Variants in NTNG1 observed in about 807,000 individuals in gnomAD.
The protein encoded by NTNG1 is netrin G1.
Under a neutral mutation model 54.0 loss-of-function variants are expected in NTNG1, and 16 were observed. The ratio of observed to expected loss-of-function variants is 0.30; its 90% CI spans 0.20 to 0.45. NTNG1 has a LOEUF of 0.45. Ranked by LOEUF, NTNG1 falls within the 20% of genes least tolerant of loss-of-function variation. The pLI is 1.00. For missense variants in NTNG1, 530 were observed against 678.7 expected (o/e 0.78, Z 2.43); for synonymous variants, 255 against 263.1 (o/e 0.97, Z 0.30).
chr1:107,431,815 T>C (rs537232832), intron 6 of NTNG1, among the ~76,000 whole-genome samples: 21 of 152,368 alleles, frequency 1.4e-4, no homozygotes, highest in African/African-American at 5.0e-4. Flanking sequence ...TAGGTAGCTA[T>C]ATAGGCACCC....
intron 3 of NTNG1, among the ~76,000 whole-genome samples, chr1:107,326,423 A>G (rs1405111965): frequency 6.6e-6 from 1 of 152,138 alleles, no homozygotes; most frequent in African/African-American, 2.4e-5. Context: ...TAAGTTTGCT[A>G]TTTATAGTAA....
intron 4 of NTNG1, among the ~76,000 whole-genome samples, chr1:107,398,752 A>G (rs1180686675): frequency 6.6e-6 from 1 of 152,170 alleles, no homozygotes; most frequent in East Asian, 1.9e-4. Context: ...TATAGAAAAG[A>G]CATTTTTCTT....
chr1:107,161,699 A>C (rs1030355002), intron 2 of NTNG1, among the ~76,000 whole-genome samples: 2 of 151,198 alleles, frequency 1.3e-5, no homozygotes, highest in African/African-American at 2.4e-5. Context: ...CACCAAAAAA[A>C]CCTCCACGAC....
In NTNG1 at chr1:107,402,909, A is replaced by G. The variant is rs142596083; in HGVS notation, c.1061-4773A>G. Among the ~76,000 whole-genome samples the G allele has an allele frequency of 8.5e-5, 13 of 152,174 alleles. No homozygotes were observed. The East Asian group carries it at 1.6e-3, about 18-fold the overall frequency. On this transcript the variant is annotated intron_variant, in intron 4 of 7. Coordinates refer to ENST00000370068, the MANE Select transcript of NTNG1 (RefSeq NM_001113226.3). ...ACAACAGTGGTAATTTTTCCTCTCAATTTGAAGCATGCCAAATCCTTATCC... is the reference window on the plus strand; with the variant it reads ...ACAACAGTGGTAATTTTTCCTCTCAGTTTGAAGCATGCCAAATCCTTATCC...
At chr1:107,269,060 C>T (rs185856227) in intron 2 of NTNG1, among the ~76,000 whole-genome samples, 10 of 152,340 alleles carry the variant, frequency 6.6e-5, no homozygotes, top group Non-Finnish European at 1.5e-4. Flanking sequence ...TGTCACTCCT[C>T]TGTTAAAACA....
chr1:107,284,686 A>G (rs999518700), intron 2 of NTNG1, among the ~76,000 whole-genome samples: 1 of 152,122 alleles, frequency 6.6e-6, no homozygotes, highest in East Asian at 1.9e-4. Context: ...GCATAAGAAA[A>G]GATTGAGGGA....
chr1:107,455,429 G>A (rs1349072226), intron 7 of NTNG1, among the ~76,000 whole-genome samples: 1 of 152,240 alleles, frequency 6.6e-6, no homozygotes, highest in Non-Finnish European at 1.5e-5. Flanking sequence ...CTAATGTGGT[G>A]CTCAGGATCA....
At chr1:107,437,762 A>G (rs1156386396) in intron 7 of NTNG1, among the ~76,000 whole-genome samples, 1 of 152,214 alleles carries the variant, frequency 6.6e-6, no homozygotes, top group East Asian at 1.9e-4. Context: ...ACTAATATCA[A>G]AATTATTAAG....
chr1:107,413,284 T>A (rs1673960706), intron 5 of NTNG1, among the ~76,000 whole-genome samples: 1 of 152,026 alleles, frequency 6.6e-6, no homozygotes, highest in Non-Finnish European at 1.5e-5. Flanking sequence ...CACCTCAGCC[T>A]CCTGAATAGC....
intron 2 of NTNG1, among the ~76,000 whole-genome samples, chr1:107,211,953 G>A (rs541316991): frequency 2.0e-5 from 3 of 152,206 alleles, no homozygotes; most frequent in South Asian, 4.1e-4. Context: ...GCAGCCCAGC[G>A]GTGAAGTTAT....
At chr1:107,412,608 T>A (rs1418133274) in intron 5 of NTNG1, among the ~76,000 whole-genome samples, 1 of 152,146 alleles carries the variant, frequency 6.6e-6, no homozygotes, top group East Asian at 1.9e-4. Flanking sequence ...ATTGACCCAT[T>A]TCTATGCAGG....
chr1:107,385,515 C>T (rs567824333), intron 3 of NTNG1, among the ~76,000 whole-genome samples: 55 of 152,058 alleles, frequency 3.6e-4, no homozygotes, highest in African/African-American at 1.3e-3. Flanking sequence ...TATGGCCACA[C>T]CTAGCTAGAG....
intron 2 of NTNG1, among the ~76,000 whole-genome samples, chr1:107,297,619 A>G (rs1385357815): frequency 6.6e-6 from 1 of 152,084 alleles, no homozygotes; most frequent in African/African-American, 2.4e-5. Flanking sequence ...TTGAGATTTA[A>G]GATGTCAGGA....
chr1:107,269,753 T>A (rs1272495167), intron 2 of NTNG1, among the ~76,000 whole-genome samples: 1 of 152,250 alleles, frequency 6.6e-6, no homozygotes, highest in African/African-American at 2.4e-5. Flanking sequence ...CTTGGCATGT[T>A]ACATTTTATA....
intron 3 of NTNG1, among the ~76,000 whole-genome samples, chr1:107,356,790 T>A: frequency 6.6e-6 from 1 of 151,882 alleles, no homozygotes. Flanking sequence ...ATCACTTGAG[T>A]TCAGGAGTTT....
chr1:107,357,721 T>A (rs779358896), intron 3 of NTNG1, among the ~76,000 whole-genome samples: 6 of 152,216 alleles, frequency 3.9e-5, no homozygotes, highest in Non-Finnish European at 8.8e-5. Flanking sequence ...TTTTCAGTGA[T>A]ATTTAACAAT....
chr1:107,468,036 TTGGTTTGACATTGTCAGGGGG>T (rs1677718327), intron 7 of NTNG1, among the ~76,000 whole-genome samples: 1 of 152,150 alleles, frequency 6.6e-6, no homozygotes, highest in Non-Finnish European at 1.5e-5. Context: ...CTCCCAAGAC[TTGGTTTGACATTGTCAGGGGG>T]TGGTTATGGT....
intron 7 of NTNG1, among the ~76,000 whole-genome samples, chr1:107,446,946 T>C (rs552836357): frequency 5.1e-4 from 78 of 152,262 alleles, no homozygotes; most frequent in Middle Eastern, 3.4e-3. Context: ...AATCTTTGAC[T>C]GGTTAGCAGT....
At chr1:107,269,153 C>T (rs912868179) in intron 2 of NTNG1, among the ~76,000 whole-genome samples, 80 of 152,164 alleles carry the variant, frequency 5.3e-4, no homozygotes, top group African/African-American at 8.2e-4. Context: ...TCATGTCCTA[C>T]GAATCTCCTC....
Sources: gnomAD v4.1 joint callset for allele counts (sites outside exome capture counted in the v4.1 genomes callset) on GRCh38, gnomAD v4.1.1 for gene constraint, MANE v1.5 for transcripts, NCBI Gene and HGNC (gene_info 2026-07-23, HGNC 2026-07-21) for gene names.